The following ADAMTS6 variants were observed in gnomAD, a reference collection of about 807,000 sequenced individuals.
ADAMTS6 encodes A disintegrin and metalloproteinase with thrombospondin motifs 6.
Under a neutral mutation model 144.3 loss-of-function variants are expected in ADAMTS6, and 23 were observed. The observed-to-expected ratio is 0.16, with a 90% CI of 0.11 to 0.23. The LOEUF (loss-of-function observed/expected upper bound fraction) is 0.23. Ranked by LOEUF, ADAMTS6 falls within the 10% of genes least tolerant of loss-of-function variation. ADAMTS6 has a pLI of 1.00. For synonymous variants in ADAMTS6, 444 were observed against 457.5 expected (o/e 0.97, Z 0.38); for missense variants, 999 against 1,379.6 (o/e 0.72, Z 4.37).
chr5:65,284,316 T>C (rs1420634356), intron 11 of ADAMTS6, among the ~76,000 whole-genome samples: 3 of 152,066 alleles, frequency 2.0e-5, no homozygotes, highest in Non-Finnish European at 4.4e-5. Context: ...CAAAGAGCTA[T>C]ATTCAGGTAG....
At position 65,226,207 on chromosome 5, in the gene ADAMTS6, G is replaced by C. The variant is rs757880242; in HGVS notation, c.1946C>G (p.Pro649Arg). 6.2e-7 allele frequency: 1 copy of C among 1,613,442 alleles called. No homozygotes were observed. The highest frequency in any genetic ancestry group is 8.5e-7 in the Non-Finnish European group (1 of 1,179,606). The change falls in exon 16 of 25, where the codon CCT becomes CGT. Residue 649 changes from proline to arginine, a missense_variant. Physicochemically the swap from Pro to Arg is moderately radical, Grantham distance 103. Transcript: ENST00000381055. ...TTCAGCCAAGCAGTTTAATGCACAA[G>C]GTTTTACCCCACCTGGACAAATACA... The part of the protein sequence containing the change: ...WKPYTGGGVK[P>R]CALNCLAEGY...
chr5:65,441,643 T>A (rs1757862166), intron 7 of ADAMTS6, among the ~76,000 whole-genome samples: 1 of 152,082 alleles, frequency 6.6e-6, no homozygotes, highest in Non-Finnish European at 1.5e-5. Flanking sequence ...CGCACCCACC[T>A]GGAACATTTA....
chr5:65,285,694 A>G (rs1763306076), intron 11 of ADAMTS6, among the ~76,000 whole-genome samples: 1 of 152,124 alleles, frequency 6.6e-6, no homozygotes, highest in East Asian at 1.9e-4. Context: ...ATGTCAGGAA[A>G]TGATAAATGT....
intron 20 of ADAMTS6, among the ~76,000 whole-genome samples, chr5:65,199,499 T>C (rs1488599701): frequency 6.6e-6 from 1 of 152,188 alleles, no homozygotes; most frequent in Non-Finnish European, 1.5e-5. Context: ...ACAATGTATG[T>C]ATCTTGAAAA....
rs187212776 is a variant in ADAMTS6, at chr5:65,363,430, C to T, written c.1074-29345G>A. Among the ~76,000 whole-genome samples the T allele has an allele frequency of 1.2e-3, 183 of 152,214 alleles. 1 individual carries two copies. Among genetic ancestry groups the T allele is most frequent in the African/African-American group, 4.1e-3 (172 of 41,536 alleles). ...TGCATAGACTGAAAATAATGCTATGCTGGCATTTTAAAATTAGCATTAGAA... is the reference window on the plus strand; with the variant it reads ...TGCATAGACTGAAAATAATGCTATGTTGGCATTTTAAAATTAGCATTAGAA... On this transcript the variant is annotated intron_variant, in intron 7 of 24. Transcript: ENST00000381055.
chr5:65,168,299 AT>A (rs1196265608), intron 24 of ADAMTS6, among the ~76,000 whole-genome samples: 2 of 152,068 alleles, frequency 1.3e-5, no homozygotes, highest in Admixed American at 6.5e-5. Context: ...TTCAAAGAGA[AT>A]AAAATACCTA....
chr5:65,465,947 T>TA (rs1759959437), intron 3 of ADAMTS6, among the ~76,000 whole-genome samples: 1 of 152,214 alleles, frequency 6.6e-6, no homozygotes, highest in East Asian at 1.9e-4. Flanking sequence ...CATCTATATA[T>TA]TGATGACTCC....
At chr5:65,210,813 A>G in intron 20 of ADAMTS6, 1 of 484,602 alleles carries the variant, frequency 2.1e-6, no homozygotes. Context: ...AGAACAGTGT[A>G]ACTCCAGACA....
intron 7 of ADAMTS6, among the ~76,000 whole-genome samples, chr5:65,380,662 C>A (rs1260284873): frequency 6.6e-6 from 1 of 152,124 alleles, no homozygotes; most frequent in Non-Finnish European, 1.5e-5. Context: ...TTTATTTTTG[C>A]ATTTCTTTGT....
At chr5:65,256,136 ATG>A (rs2112567554) in intron 14 of ADAMTS6, among the ~76,000 whole-genome samples, 1 of 152,316 alleles carries the variant, frequency 6.6e-6, no homozygotes, top group African/African-American at 2.4e-5. Context: ...ACCGTCCTAT[ATG>A]GTTGCCACCA....
rs577717062 is a variant in ADAMTS6 at position 65,203,600 on chromosome 5, T to C, written c.2576-6449A>G. 2.0e-5 allele frequency among the ~76,000 whole-genome samples: 3 copies of C among 152,288 alleles called. No individual in the cohort carries two copies. The South Asian group carries it at 6.2e-4, about 32-fold the overall frequency. Reference sequence around the variant, plus strand: ...AAAATCCCTTTCTAGGAACCAAATCTTGAAATATTTCAAATTTGAGTTAAA... The same window carrying C: ...AAAATCCCTTTCTAGGAACCAAATCCTGAAATATTTCAAATTTGAGTTAAA... On this transcript the variant is annotated intron_variant, in intron 20 of 24. Transcript: ENST00000381055.
chr5:65,362,841 C>T (rs1195709411), intron 7 of ADAMTS6, among the ~76,000 whole-genome samples: 1 of 152,144 alleles, frequency 6.6e-6, no homozygotes, highest in East Asian at 1.9e-4. Flanking sequence ...TAGAGCTATC[C>T]TATTTCTGTC....
intron 14 of ADAMTS6, among the ~76,000 whole-genome samples, chr5:65,249,176 G>C (rs545488425): frequency 6.6e-6 from 1 of 152,256 alleles, no homozygotes; most frequent in Non-Finnish European, 1.5e-5. Context: ...GGCAGCTGGT[G>C]CCAGGGAGAG....
rs1561501139 is a variant in ADAMTS6, at chr5:65,398,773, AG to A, written c.1073+52701del. Among the ~76,000 whole-genome samples the A allele has an allele frequency of 1.7e-3, 227 of 131,656 alleles. 4 individuals are homozygous for A. The highest frequency in any genetic ancestry group is 6.4e-3 in the African/African-American group (222 of 34,564). 86.4% of individuals were successfully genotyped at this position (131,656 alleles called of 152,430 possible). ...AGAGAGAAAGAGAGAGAGAGAAAGA[AG>A]AGAGAGCAAGAAAGAAAGAAAGAAA... On this transcript the variant is annotated intron_variant, in intron 7 of 24. Coordinates refer to ENST00000381055, the MANE Select transcript of ADAMTS6 (RefSeq NM_197941.4).
At chr5:65,245,611 TATC>T (rs747549838) in intron 14 of ADAMTS6, among the ~76,000 whole-genome samples, 6 of 152,000 alleles carry the variant, frequency 3.9e-5, no homozygotes, top group East Asian at 1.9e-4. Flanking sequence ...ATACAACAGT[TATC>T]ATCATCATCA....
intron 22 of ADAMTS6, among the ~76,000 whole-genome samples, chr5:65,184,087 C>T (rs1695966377): frequency 6.6e-6 from 1 of 152,126 alleles, no homozygotes; most frequent in Non-Finnish European, 1.5e-5. Flanking sequence ...TAATTAGAAT[C>T]TCATGATCAT....
At chr5:65,240,568 C>G (rs774901047) in intron 15 of ADAMTS6, among the ~76,000 whole-genome samples, 2 of 152,036 alleles carry the variant, frequency 1.3e-5, no homozygotes, top group African/African-American at 4.8e-5. Flanking sequence ...GACAGTGGAG[C>G]CCTCCGAATG....
intron 22 of ADAMTS6, among the ~76,000 whole-genome samples, chr5:65,182,553 A>G (rs1754431643): frequency 6.6e-6 from 1 of 152,096 alleles, no homozygotes; most frequent in African/African-American, 2.4e-5. Flanking sequence ...TAATCCTCAT[A>G]GAAACTCCAT....
intron 22 of ADAMTS6, among the ~76,000 whole-genome samples, chr5:65,175,356 GAGAA>G (rs765128677): frequency 2.0e-4 from 30 of 150,784 alleles, no homozygotes; most frequent in Middle Eastern, 3.4e-3. Flanking sequence ...AAGTCAAAGA[GAGAA>G]AGAAAGAGAG....
Sources: allele counts gnomAD v4.1 joint callset (sites outside exome capture counted in the v4.1 genomes callset), GRCh38; gene constraint gnomAD v4.1.1; transcripts MANE v1.5; gene names NCBI Gene and HGNC (gene_info 2026-07-23, HGNC 2026-07-21).